The following CA5A variants were observed in gnomAD, a reference collection of about 807,000 sequenced individuals.
CA5A encodes carbonic anhydrase 5A.
CA5A carries 28 observed loss-of-function variants against 37.1 expected under a neutral mutation model. The ratio of observed to expected loss-of-function variants is 0.75; its 90% CI spans 0.56 to 1.03. The LOEUF (loss-of-function observed/expected upper bound fraction) is 1.03. Ranked by LOEUF, CA5A falls within the 50% of genes least tolerant of loss-of-function variation. The probability of loss-of-function intolerance (pLI) is 0.00; values close to 1 mark genes in which losing one functional copy is unlikely to be tolerated. For synonymous variants in CA5A, 171 were observed against 158.4 expected (o/e 1.08, Z -0.60); for missense variants, 444 against 399.9 (o/e 1.11, Z -0.94).
chr16:87,929,444 T>G (rs2056365465), intron 1 of CA5A, among the ~76,000 whole-genome samples: 1 of 132,932 alleles, frequency 7.5e-6, no homozygotes, highest in African/African-American at 3.0e-5. Flanking sequence ...AAGAGCAAAT[T>G]CGGTCTCAAA....
intron 5 of CA5A, chr16:87,893,326 A>G (rs1192764328): frequency 2.3e-5 from 8 of 352,970 alleles, no homozygotes; most frequent in Non-Finnish European, 3.3e-5. Flanking sequence ...ACGGGGTTTC[A>G]CCATATTAGT....
chr16:87,902,077 G>C (rs2055886867), intron 4 of CA5A, 103 bp from the exon 5 acceptor site: 1 of 1,049,486 alleles, frequency 9.5e-7, no homozygotes, highest in African/African-American at 1.6e-5. Context: ...TCCTAGGCCA[G>C]GTGCGGTGGC....
chr16:87,893,079 G>C (rs878876789), intron 5 of CA5A: 2 of 890,206 alleles, frequency 2.2e-6, no homozygotes, highest in Non-Finnish European at 3.4e-6. Context: ...CAAGCCCCGA[G>C]GCTGCCTGAA....
chr16:87,899,452 G>A (rs183932702), intron 5 of CA5A, among the ~76,000 whole-genome samples: 27 of 150,790 alleles, frequency 1.8e-4, no homozygotes, highest in Admixed American at 3.3e-4. Context: ...ACAGGCACCC[G>A]CCACCACGCC....
chr16:87,906,599 A>G (rs993212567), intron 2 of CA5A, among the ~76,000 whole-genome samples: 1 of 151,852 alleles, frequency 6.6e-6, no homozygotes, highest in East Asian at 1.9e-4. Context: ...TGTACTCCAG[A>G]CTGGGCGACG....
chr16:87,904,993 T>C (rs1177458475), intron 2 of CA5A, 89 bp from the exon 3 acceptor site: 9 of 798,728 alleles, frequency 1.1e-5, no homozygotes, highest in East Asian at 2.4e-5. Flanking sequence ...ATTAGGGTTA[T>C]ATGAGTTCAC....
chr16:87,899,494 G>C (rs1244184524), intron 5 of CA5A, among the ~76,000 whole-genome samples: 4 of 150,252 alleles, frequency 2.7e-5, no homozygotes, highest in Non-Finnish European at 4.4e-5. Context: ...GTAGAGATGA[G>C]GTTTTATCAT....
At chr16:87,882,594 G>C (rs1408117857) in intron 4 of CA5A, 1 of 152,272 alleles carries the variant, frequency 6.6e-6, no homozygotes, top group African/African-American at 2.4e-5. Context: ...GGCGCTGCGA[G>C]CTTCTGGGGC....
rs754288222 is a variant in CA5A at position 87,911,656 on chromosome 16, C to CT, written c.341-6753_341-6752insA. 1.3e-5 allele frequency among the ~76,000 whole-genome samples: 2 copies of CT among 152,144 alleles called. No homozygotes were observed. The highest frequency in any genetic ancestry group is 2.4e-5 in the African/African-American group (1 of 41,442). ...TGCCACCTCCCCAGGCAGGCAGGGG[C>CT]CGCAGCCACTGCAAGCCCCTGCCCA... On this transcript the variant is annotated intron_variant, in intron 2 of 6. Coordinates refer to ENST00000649794, the MANE Select transcript of CA5A (RefSeq NM_001739.2). This position sits in a 1 kb window ranked among gnomAD's most constrained non-coding sequence, Gnocchi z 4.6.
intron 5 of CA5A, chr16:87,892,355 C>G (rs140557268): frequency 0.096 from 14,760 of 153,024 alleles, 972 homozygotes; most frequent in African/African-American, 0.18. Flanking sequence ...ACTAAAAATA[C>G]AAAAATTATC....
At chr16:87,888,329 T>C (rs60779524) in intron 6 of CA5A, 57 bp from the exon 7 acceptor site, 294,075 of 1,517,584 alleles carry the variant, frequency 0.19, 29,557 homozygotes, top group South Asian at 0.26. Flanking sequence ...AGCCAGCCTC[T>C]GGGTGTCCCT....
intron 6 of CA5A, among the ~76,000 whole-genome samples, chr16:87,890,593 A>C (rs1199674579): frequency 4.6e-5 from 7 of 152,262 alleles, no homozygotes; most frequent in Non-Finnish European, 8.8e-5. Flanking sequence ...CCAGAAAAAA[A>C]TGATAGTATA....
intron 1 of CA5A, among the ~76,000 whole-genome samples, chr16:87,927,632 G>A (rs1393494801): frequency 6.6e-6 from 1 of 152,164 alleles, no homozygotes; most frequent in East Asian, 1.9e-4. Flanking sequence ...GAAGCAAGGT[G>A]GGTGGATCAC....
At chr16:87,912,475 A>G (rs1441011518) in intron 2 of CA5A, among the ~76,000 whole-genome samples, 1 of 152,234 alleles carries the variant, frequency 6.6e-6, no homozygotes, top group Non-Finnish European at 1.5e-5. Flanking sequence ...GTCCATAAGA[A>G]AGGGCTTTGC....
intron 2 of CA5A, among the ~76,000 whole-genome samples, chr16:87,921,546 C>G (rs1482085921): frequency 2.6e-5 from 4 of 152,236 alleles, no homozygotes; most frequent in African/African-American, 4.8e-5. Context: ...GTGCCCATGC[C>G]TGTACCAATT....
At chr16:87,919,490 G>A (rs567962458) in intron 2 of CA5A, among the ~76,000 whole-genome samples, 167 of 152,312 alleles carry the variant, frequency 1.1e-3, no homozygotes, top group African/African-American at 3.7e-3. Flanking sequence ...GCCTCGGGCG[G>A]CCACCTTCGC....
At chr16:87,904,994 A>C (rs2055938721) in intron 2 of CA5A, 90 bp from the exon 3 acceptor site, 1 of 792,348 alleles carries the variant, frequency 1.3e-6, no homozygotes, top group Non-Finnish European at 2.3e-6. Context: ...TTAGGGTTAT[A>C]TGAGTTCACT....
At position 87,926,718 on chromosome 16, in the gene CA5A, C is replaced by G. The variant is rs1487318393; in HGVS notation, c.340+30G>C. 3 of 1,581,440 alleles carry G rather than the reference C, an allele frequency of 1.9e-6. No individual in the cohort carries two copies. In the African/African-American group the frequency reaches 4.0e-5, roughly 21 times the overall value. ...CTGCTGCCAGAACAACGGGAGAGGACAAAGCCCTCGAGCCCCAGCTGGCAC... is the reference window on the plus strand; with the variant it reads ...CTGCTGCCAGAACAACGGGAGAGGAGAAAGCCCTCGAGCCCCAGCTGGCAC... On this transcript the variant is annotated intron_variant, in intron 2 of 6. Coordinates refer to ENST00000649794, the MANE Select transcript of CA5A (RefSeq NM_001739.2).
intron 2 of CA5A, among the ~76,000 whole-genome samples, chr16:87,915,522 C>G (rs1268826211): frequency 1.8e-5 from 2 of 110,258 alleles, no homozygotes; most frequent in Non-Finnish European, 1.8e-5. Flanking sequence ...GATCCTGTGT[C>G]AAAATTTTTT....
Sources: allele counts gnomAD v4.1 joint callset (sites outside exome capture counted in the v4.1 genomes callset), GRCh38; gene constraint gnomAD v4.1.1; non-coding constraint Gnocchi (gnomAD v3.1); transcripts MANE v1.5; gene names NCBI Gene and HGNC (gene_info 2026-07-23, HGNC 2026-07-21).